Variants in CD46 observed in about 807,000 individuals in gnomAD.
The protein encoded by CD46 is CD46 molecule.
Under a neutral mutation model 53.3 loss-of-function variants are expected in CD46, and 30 were observed. That is an observed-to-expected ratio of 0.56 (90% confidence interval 0.42 to 0.76). The LOEUF is 0.76. Among genes scored for constraint, CD46 ranks in the 30% least tolerant of loss-of-function variants. CD46 has a pLI of 0.00. For missense variants in CD46, 409 were observed against 463.0 expected (o/e 0.88, Z 1.07); for synonymous variants, 142 against 152.0 (o/e 0.93, Z 0.48).
chr1:207,791,579 A>T (rs1026773546), intron 12 of CD46, among the ~76,000 whole-genome samples: 4 of 152,222 alleles, frequency 2.6e-5, no homozygotes, highest in Non-Finnish European at 4.4e-5. Context: ...TTTCATCATG[A>T]TACTCAGAAT....
In CD46 at chr1:207,795,470, C is replaced by T. The variant is rs1001954481; in HGVS notation, c.*1993C>T. The T allele has an allele frequency of 1.3e-5, 2 of 152,200 alleles. No homozygotes were observed. The highest frequency in any genetic ancestry group is 2.9e-5 in the Non-Finnish European group (2 of 68,028). 9.4% of individuals were successfully genotyped at this position (152,200 alleles called of 1,614,324 possible). On this transcript the variant is annotated 3_prime_UTR_variant, in exon 13 of 13. Transcript: ENST00000367042. ...TTGCTCATTTTTTAAAAAATGGACT[C>T]TTGAAATCTGTTAAAATAAAATTGT... is the stretch of plus-strand genomic sequence containing the variant.
At chr1:207,760,023 G>A (rs1656004241) in intron 4 of CD46, 1 of 266,774 alleles carries the variant, frequency 3.7e-6, no homozygotes, top group Non-Finnish European at 7.2e-6. Flanking sequence ...TGGGGCTTCA[G>A]GCATGTGCCA....
chr1:207,764,281 T>A (rs1219683380), intron 5 of CD46, among the ~76,000 whole-genome samples: 1 of 152,194 alleles, frequency 6.6e-6, no homozygotes, highest in Non-Finnish European at 1.5e-5. Context: ...GCTGCTGGAT[T>A]GGAAATGCCT....
At chr1:207,767,420 G>A (rs969964178) in intron 6 of CD46, 34 of 703,202 alleles carry the variant, frequency 4.8e-5, no homozygotes, top group Admixed American at 4.2e-4. Flanking sequence ...TTCTTAGCAC[G>A]TTATGTACAT....
intron 4 of CD46, chr1:207,760,217 A>G (rs1656025299): frequency 6.5e-6 from 1 of 153,134 alleles, no homozygotes; most frequent in South Asian, 2.0e-4. Context: ...AAATTAACAT[A>G]TGTAACATAA....
chr1:207,782,324 G>A (rs1260674384), intron 8 of CD46, among the ~76,000 whole-genome samples: 1 of 152,132 alleles, frequency 6.6e-6, no homozygotes. Context: ...GCATGTGTGT[G>A]TATATGTGGG....
chr1:207,769,138 A>T (rs544326260), intron 7 of CD46: 2 of 152,286 alleles, frequency 1.3e-5, no homozygotes, highest in Non-Finnish European at 2.9e-5. Context: ...GGCACTTGTA[A>T]TCCCAGCTGC....
intron 8 of CD46, among the ~76,000 whole-genome samples, chr1:207,773,701 G>C (rs1024853443): frequency 9.2e-5 from 14 of 152,106 alleles, no homozygotes; most frequent in African/African-American, 3.4e-4. Context: ...GTATTTGTGT[G>C]GTTTTGAGTG....
intron 7 of CD46, chr1:207,769,260 A>C (rs1463985442): frequency 6.6e-6 from 1 of 152,430 alleles, no homozygotes. Context: ...TCTGTCTCAA[A>C]ACAAAAACCT....
intron 11 of CD46, among the ~76,000 whole-genome samples, chr1:207,787,962 G>C (rs1308982553): frequency 6.6e-6 from 1 of 152,110 alleles, no homozygotes. Context: ...TTGGGGTGGA[G>C]CCTGAGACCC....
intron 1 of CD46, among the ~76,000 whole-genome samples, chr1:207,753,970 T>C (rs950159169): frequency 1.3e-5 from 2 of 152,220 alleles, no homozygotes; most frequent in Non-Finnish European, 2.9e-5. Context: ...TTTTCACTAT[T>C]TGTTTACACA....
chr1:207,761,277 A>G lies in CD46; in HGVS notation c.504A>G (p.Ile168Met), dbSNP rs762606727. 1.9e-6 allele frequency: 3 copies of G among 1,611,776 alleles called. No individual in the cohort carries two copies. Among genetic ancestry groups the G allele is most frequent in the Non-Finnish European group, 2.5e-6 (3 of 1,177,984 alleles). The change falls in exon 5 of 13, where the codon ATA becomes ATG. Residue 168 changes from isoleucine (I) to methionine (M), a missense_variant. Ile to Met is a conservative substitution (Grantham distance 10, BLOSUM62 1). Transcript: ENST00000367042. ...TTTTGTGTACACCACCTCCAAAAATAAAAAATGGAAAACACACCTTTAGTG... is the reference window on the plus strand; with the variant it reads ...TTTTGTGTACACCACCTCCAAAAATGAAAAATGGAAAACACACCTTTAGTG... The part of the protein sequence containing the change: ...EKVLCTPPPK[I>M]KNGKHTFSEV...
At chr1:207,782,253 G>T (rs1658814949) in intron 8 of CD46, among the ~76,000 whole-genome samples, 1 of 151,976 alleles carries the variant, frequency 6.6e-6, no homozygotes, top group African/African-American at 2.4e-5. Flanking sequence ...ACTGAGTTTT[G>T]TATGTTGATT....
intron 10 of CD46, 112 bp downstream of exon 10, chr1:207,785,218 AC>A: frequency 1.2e-6 from 1 of 847,848 alleles, no homozygotes; most frequent in South Asian, 1.5e-5. Flanking sequence ...AATTGGTTAA[AC>A]CGATTTAGGA....
At chr1:207,782,003 A>G (rs768798535) in intron 8 of CD46, among the ~76,000 whole-genome samples, 25 of 152,014 alleles carry the variant, frequency 1.6e-4, no homozygotes, top group Non-Finnish European at 3.5e-4. Flanking sequence ...AAATCTGAAG[A>G]TTGCTTTGTA....
intron 8 of CD46, among the ~76,000 whole-genome samples, chr1:207,772,144 T>G (rs921886644): frequency 5.9e-5 from 9 of 152,202 alleles, no homozygotes; most frequent in Non-Finnish European, 1.3e-4. Flanking sequence ...TTCCTAGGTA[T>G]TTTATTCTCT....
At chr1:207,788,445 G>A (rs1383652249) in intron 11 of CD46, among the ~76,000 whole-genome samples, 3 of 151,898 alleles carry the variant, frequency 2.0e-5, no homozygotes, top group Non-Finnish European at 4.4e-5. Context: ...CGTGAACCCC[G>A]GAGGCGGAGC....
chr1:207,793,081 A>T (rs1422198268), intron 12 of CD46, among the ~76,000 whole-genome samples: 1 of 152,190 alleles, frequency 6.6e-6, no homozygotes, highest in East Asian at 1.9e-4. Context: ...CTCTTAGTGG[A>T]ATACATGATT....
At chr1:207,768,969 C>T (rs1558059290) in intron 7 of CD46, 1 of 151,996 alleles carries the variant, frequency 6.6e-6, no homozygotes, top group Non-Finnish European at 1.5e-5. Flanking sequence ...ATTAAGATAC[C>T]TTCTTATAGG....
Sources: allele counts gnomAD v4.1 joint callset (sites outside exome capture counted in the v4.1 genomes callset), GRCh38; gene constraint gnomAD v4.1.1; transcripts MANE v1.5; gene names NCBI Gene and HGNC (gene_info 2026-07-23, HGNC 2026-07-21).